The following PCDHA2 variants were observed in gnomAD, a reference collection of about 807,000 sequenced individuals.
The protein encoded by PCDHA2 is protocadherin alpha 2.
A neutral mutation model predicts 66.0 loss-of-function variants in PCDHA2; 58 were observed. The ratio of observed to expected loss-of-function variants is 0.88; its 90% CI spans 0.71 to 1.09. The LOEUF is 1.09. Among genes scored for constraint, PCDHA2 ranks in the 50% least tolerant of loss-of-function variants. The pLI is 0.00. For synonymous variants in PCDHA2, 634 were observed against 554.0 expected (o/e 1.14, Z -2.03); for missense variants, 1,267 against 1,242.3 (o/e 1.02, Z -0.30).
In PCDHA2 at chr5:140,855,793, CAT is replaced by C. The variant is rs1336692257; in HGVS notation, c.2388+58444_2388+58445del. On this transcript the variant is annotated intron_variant, in intron 1 of 3. Coordinates refer to ENST00000526136, the MANE Select transcript of PCDHA2 (RefSeq NM_018905.3). ...TAAAAATACGTAAAAAAAGAATTAA[CAT>C]ATGAATGAAAGAAAAGTTGTGAACT... 3.6e-4 allele frequency: 165 copies of C among 456,916 alleles called. 2 individuals are homozygous for C. The East Asian group carries it at 4.8e-3, about 13-fold the overall frequency. The allele number at this position is 456,916 out of a possible 1,614,324, so 28.3% of individuals were successfully genotyped here.
intron 2 of PCDHA2, among the ~76,000 whole-genome samples, 188 bp downstream of exon 2, chr5:140,979,195 T>C (rs1554240340): frequency 1.3e-5 from 2 of 152,232 alleles, no homozygotes; most frequent in African/African-American, 4.8e-5. Context: ...GCCAGATGCT[T>C]ATCAAGTGCT....
intron 1 of PCDHA2, among the ~76,000 whole-genome samples, chr5:140,961,502 T>C (rs6891232): frequency 0.023 from 3,568 of 152,334 alleles, 49 homozygotes; most frequent in Middle Eastern, 0.034. Context: ...TTGGGAGACT[T>C]TGTTTAATGT....
chr5:140,961,434 A>G (rs2095611315), intron 1 of PCDHA2, among the ~76,000 whole-genome samples: 1 of 152,174 alleles, frequency 6.6e-6, no homozygotes, highest in African/African-American at 2.4e-5. Context: ...TTACAAAATC[A>G]CCTAACTACA....
rs2150126265 is a variant in PCDHA2 at position 140,823,483 on chromosome 5, G to A, written c.2388+26131G>A. ...GCCGGCGCTGCTGGTGCCTCGAGTG[G>A]GTGGCACCGGCGGCGCAGTGAGCGA... On this transcript the variant is annotated intron_variant, in intron 1 of 3. Coordinates refer to ENST00000526136, the MANE Select transcript of PCDHA2 (RefSeq NM_018905.3). 3 of 1,613,434 alleles carry A rather than the reference G, an allele frequency of 1.9e-6. No individual in the cohort carries two copies. The South Asian group carries it at 3.3e-5, about 18-fold the overall frequency.
intron 1 of PCDHA2, among the ~76,000 whole-genome samples, chr5:140,918,972 A>G (rs782748846): frequency 6.6e-5 from 10 of 152,184 alleles, no homozygotes; most frequent in Non-Finnish European, 1.3e-4. Flanking sequence ...GATATCGTTT[A>G]GGTTAGTTGG....
In PCDHA2 at chr5:141,010,032, T is replaced by C. The variant is rs529237892; in HGVS notation, c.*95T>C. 6.3e-7 allele frequency: 1 copy of C among 1,582,368 alleles called. No individual in the cohort carries two copies. Among genetic ancestry groups the C allele is most frequent in the African/African-American group, 1.4e-5 (1 of 73,468 alleles). On this transcript the variant is annotated 3_prime_UTR_variant, in exon 4 of 4. Transcript: ENST00000526136. ...TCCCTGCTCCTTTTTCCTATCTACA[T>C]GAGCCCTCTTAGAGACCTCAGAAAT...
In PCDHA2 at chr5:140,850,799, C is replaced by T. The variant is rs2150498794; in HGVS notation, c.2388+53447C>T. On this transcript the variant is annotated intron_variant, in intron 1 of 3. Coordinates refer to ENST00000526136, the MANE Select transcript of PCDHA2 (RefSeq NM_018905.3). ...CTGGCGAGGGTAAGCAGAAGACCGA[C>T]CTCATGGCCTTCAGCCCGGGCCTTT... The T allele has an allele frequency of 1.8e-4, 280 of 1,598,266 alleles. 23 individuals are homozygous for T. The Admixed American group carries it at 4.6e-3, about 26-fold the overall frequency.
At chr5:140,838,881 C>T (rs2150293311) in intron 1 of PCDHA2, among the ~76,000 whole-genome samples, 1,566 of 151,954 alleles carry the variant, frequency 0.01, 49 homozygotes, top group African/African-American at 0.036. Flanking sequence ...TGCCACTGAA[C>T]TCCAGCCTAG....
At chr5:140,924,987 TC>T (rs1458982480) in intron 1 of PCDHA2, among the ~76,000 whole-genome samples, 4 of 151,232 alleles carry the variant, frequency 2.6e-5, no homozygotes, top group Admixed American at 6.6e-5. Context: ...ATGTCTGTAA[TC>T]CTAGCACTTT....
intron 1 of PCDHA2, chr5:140,843,316 T>G (rs1778793829): frequency 1.9e-6 from 3 of 1,595,872 alleles, no homozygotes; most frequent in South Asian, 1.1e-5. Flanking sequence ...CGGCCACGGT[T>G]CTGGTGTCGC....
At chr5:140,966,527 G>C (rs1328867902) in intron 1 of PCDHA2, 2 of 444,184 alleles carry the variant, frequency 4.5e-6, no homozygotes, top group Non-Finnish European at 7.8e-6. Context: ...AAGCCGAGCC[G>C]GGTTGAGCGA....
At chr5:140,833,054 T>G (rs1193790961) in intron 1 of PCDHA2, among the ~76,000 whole-genome samples, 1 of 152,118 alleles carries the variant, frequency 6.6e-6, no homozygotes. Context: ...AGAAAAGTAA[T>G]ATGAGAAAAA....
At chr5:140,873,973 T>C (rs1255024393) in intron 1 of PCDHA2, among the ~76,000 whole-genome samples, 2 of 152,224 alleles carry the variant, frequency 1.3e-5, no homozygotes. Flanking sequence ...TTTTTTAAAA[T>C]TAAAGTTCCT....
At chr5:140,882,086 A>T in intron 1 of PCDHA2, 2 of 1,056,122 alleles carry the variant, frequency 1.9e-6, no homozygotes, top group Non-Finnish European at 2.7e-6. Context: ...GTCGCTCTTC[A>T]CTGAGAACGT....
intron 1 of PCDHA2, among the ~76,000 whole-genome samples, chr5:140,798,240 C>A (rs1762307159): frequency 6.6e-6 from 1 of 152,102 alleles, no homozygotes; most frequent in Non-Finnish European, 1.5e-5. Context: ...GTATGTAGCA[C>A]AGGTTGTTAC....
intron 1 of PCDHA2, among the ~76,000 whole-genome samples, chr5:140,944,186 GTTT>G (rs2093621428): frequency 6.6e-6 from 1 of 151,986 alleles, no homozygotes. Flanking sequence ...TTGTTGGTTT[GTTT>G]TGTTTTGTTT....
At chr5:140,883,544 A>T in intron 1 of PCDHA2, 1 of 1,614,168 alleles carries the variant, frequency 6.2e-7, no homozygotes, top group South Asian at 1.1e-5. Flanking sequence ...ACTGGTGGTG[A>T]CCGCGCGGGA....
intron 1 of PCDHA2, among the ~76,000 whole-genome samples, chr5:140,820,054 G>A (rs2150105641): frequency 1.3e-5 from 2 of 151,784 alleles, no homozygotes; most frequent in Non-Finnish European, 2.9e-5. Flanking sequence ...TTATATAATA[G>A]AAAGTGGCTA....
At chr5:140,944,439 G>A (rs1022400391) in intron 1 of PCDHA2, among the ~76,000 whole-genome samples, 7 of 152,022 alleles carry the variant, frequency 4.6e-5, no homozygotes, top group African/African-American at 1.2e-4. Context: ...TGCCTGCCTC[G>A]GCCTCCCAAA....
Sources: gnomAD v4.1 joint callset for allele counts (sites outside exome capture counted in the v4.1 genomes callset) on GRCh38, gnomAD v4.1.1 for gene constraint, MANE v1.5 for transcripts, NCBI Gene and HGNC (gene_info 2026-07-23, HGNC 2026-07-21) for gene names.